Variants in GRAMD1C observed in about 807,000 individuals in gnomAD.
The protein encoded by GRAMD1C is GRAM domain containing 1C.
GRAMD1C carries 89 observed loss-of-function variants against 97.8 expected under a neutral mutation model. That is an observed-to-expected ratio of 0.91 (90% CI 0.77 to 1.09). The LOEUF is 1.09. Ranked by LOEUF, GRAMD1C falls within the 50% of genes least tolerant of loss-of-function variation. GRAMD1C has a pLI of 0.00. For synonymous variants in GRAMD1C, 256 were observed against 267.0 expected, an observed-to-expected ratio of 0.96 and a Z score of 0.40; for missense variants, 740 against 766.4, an observed-to-expected ratio of 0.97 and a Z score of 0.41.
intron 6 of GRAMD1C, chr3:113,885,791 G>T: frequency 6.2e-7 from 1 of 1,608,504 alleles, no homozygotes; most frequent in South Asian, 1.1e-5. Flanking sequence ...CTTTGCAGTT[G>T]AGCAGCTACA....
Position 113,945,673 on chromosome 3 carries a change from C to T in GRAMD1C, c.*195C>T. On this transcript the variant is annotated 3_prime_UTR_variant, in exon 18 of 18. Transcript: ENST00000358160. ...CTGGCCTTAATAATCCATCCTTTCA[C>T]TTCTTATAGATATTTTTAAGCTGTG... The T allele has an allele frequency of 1.9e-6, 1 of 513,322 alleles. No homozygotes were observed. The highest frequency in any genetic ancestry group is 3.4e-6 in the Non-Finnish European group (1 of 291,182). The allele number at this position is 513,322 out of a possible 1,614,324, so 31.8% of individuals were successfully genotyped here. A position where few individuals can be genotyped will look rare whatever the true frequency, so the allele number is the denominator to read the frequency against.
At position 113,900,926 on chromosome 3, in the gene GRAMD1C, CT is replaced by C. The variant is rs1416826644; in HGVS notation, c.541-102del. On this transcript the variant is annotated intron_variant, in intron 6 of 17. Coordinates refer to ENST00000358160, the MANE Select transcript of GRAMD1C (RefSeq NM_017577.5). ...TAACTACCAAAGCCCCATATCTAGT[CT>C]TTGCACAACAGGTCATTTTTGACTT... The C allele has an allele frequency of 9.7e-6, 6 of 620,330 alleles. No individual in the cohort carries two copies. In the East Asian group the frequency reaches 1.7e-4, roughly 17 times the overall value. The allele number at this position is 620,330 out of a possible 1,614,324, so 38.4% of individuals were successfully genotyped here. A position where few individuals can be genotyped will look rare whatever the true frequency, so the allele number is the denominator to read the frequency against.
At chr3:113,830,707 C>T (rs1709546494) in intron 1 of GRAMD1C, among the ~76,000 whole-genome samples, 1 of 152,204 alleles carries the variant, frequency 6.6e-6, no homozygotes, top group African/African-American at 2.4e-5. Context: ...TCTTGTGGTT[C>T]ACTGTTGAAT....
Position 113,919,127 on chromosome 3 carries a change from T to C in GRAMD1C, c.1090+3289T>C, listed in dbSNP as rs910909436. On this transcript the variant is annotated intron_variant, in intron 10 of 17. Coordinates refer to ENST00000358160, the MANE Select transcript of GRAMD1C (RefSeq NM_017577.5). Reference sequence around the variant, plus strand: ...AATGACTACCACTGGATCTAAATTTTCCAAATTAGGGGTGCTGAGCAGAAG... The same window carrying C: ...AATGACTACCACTGGATCTAAATTTCCCAAATTAGGGGTGCTGAGCAGAAG... The C allele has an allele frequency of 3.2e-5, 6 of 187,420 alleles. 1 individual carries two copies. The East Asian group carries it at 9.0e-4, about 28-fold the overall frequency. The allele number at this position is 187,420 out of a possible 1,614,324, so 11.6% of individuals were successfully genotyped here. A position where few individuals can be genotyped will look rare whatever the true frequency, so the allele number is the denominator to read the frequency against.
chr3:113,905,751 A>T (rs1160138676), intron 8 of GRAMD1C, among the ~76,000 whole-genome samples: 2 of 151,052 alleles, frequency 1.3e-5, no homozygotes, highest in Non-Finnish European at 2.9e-5. Context: ...GCTGGAGTGC[A>T]GTGGTGTGAT....
chr3:113,901,864 AAGGCCAT>A (rs1186789457), intron 7 of GRAMD1C, among the ~76,000 whole-genome samples: 2 of 152,230 alleles, frequency 1.3e-5, no homozygotes, highest in Non-Finnish European at 2.9e-5. Flanking sequence ...CCAGTCACAA[AAGGCCAT>A]ATATTGTATG....
At chr3:113,859,439 A>C (rs551553032) in intron 2 of GRAMD1C, among the ~76,000 whole-genome samples, 11 of 152,216 alleles carry the variant, frequency 7.2e-5, no homozygotes, top group Non-Finnish European at 1.3e-4. Context: ...CATTATAGTC[A>C]GAAAATATAC....
intron 6 of GRAMD1C, among the ~76,000 whole-genome samples, chr3:113,884,021 C>G (rs1020985799): frequency 5.3e-5 from 8 of 152,102 alleles, no homozygotes; most frequent in African/African-American, 1.9e-4. Context: ...TTGGAAAATT[C>G]AATACCCAAC....
chr3:113,870,838 T>C (rs1934773684), intron 3 of GRAMD1C, among the ~76,000 whole-genome samples: 1 of 150,786 alleles, frequency 6.6e-6, no homozygotes, highest in African/African-American at 2.4e-5. Context: ...TTTTTTTGGC[T>C]GGGTGCAGTG....
At chr3:113,938,963 C>CTTAAATCAGT in intron 15 of GRAMD1C, 1 of 152,174 alleles carries the variant, frequency 6.6e-6, no homozygotes, top group South Asian at 2.1e-4. Context: ...TTATGTTCTG[C>CTTAAATCAGT]TTAAATCAGT....
intron 6 of GRAMD1C, among the ~76,000 whole-genome samples, chr3:113,892,774 T>G (rs1241350660): frequency 6.6e-6 from 1 of 152,178 alleles, no homozygotes; most frequent in Non-Finnish European, 1.5e-5. Flanking sequence ...TCTTGGTCTT[T>G]GTAAAGAACT....
chr3:113,841,233 A>G (rs1485208997), intron 1 of GRAMD1C, among the ~76,000 whole-genome samples: 1 of 151,872 alleles, frequency 6.6e-6, no homozygotes, highest in African/African-American at 2.4e-5. Flanking sequence ...GGGCTGTTAA[A>G]TGGAGAAGCA....
At chr3:113,929,963 A>G (rs1341854260) in intron 10 of GRAMD1C, among the ~76,000 whole-genome samples, 1 of 152,160 alleles carries the variant, frequency 6.6e-6, no homozygotes, top group African/African-American at 2.4e-5. Flanking sequence ...AGGTGATACA[A>G]TCATGTCTTT....
At chr3:113,915,899 T>C in intron 10 of GRAMD1C, 61 bp downstream of exon 10, 1 of 1,277,848 alleles carries the variant, frequency 7.8e-7, no homozygotes, top group South Asian at 1.2e-5. Flanking sequence ...TCTTAGAATA[T>C]TGAGCATATA....
chr3:113,893,231 T>A (rs1353816149), intron 6 of GRAMD1C, among the ~76,000 whole-genome samples: 2 of 151,998 alleles, frequency 1.3e-5, no homozygotes, highest in East Asian at 3.9e-4. Context: ...TAAAAAAAAA[T>A]GCTTGCTTAT....
At chr3:113,832,030 A>G (rs551826295) in intron 1 of GRAMD1C, among the ~76,000 whole-genome samples, 1 of 148,012 alleles carries the variant, frequency 6.8e-6, no homozygotes, top group African/African-American at 2.7e-5. Context: ...ATTATAATGC[A>G]GCAACTTTGT....
chr3:113,885,236 C>CGG (rs1019555921), intron 6 of GRAMD1C: 1 of 1,015,084 alleles, frequency 9.9e-7, no homozygotes. Context: ...GGGTTGCCCC[C>CGG]GGGGGGCTGG....
chr3:113,925,108 T>C (rs147959661), intron 10 of GRAMD1C, among the ~76,000 whole-genome samples: 306 of 152,366 alleles, frequency 2.0e-3, no homozygotes, highest in African/African-American at 7.1e-3. Flanking sequence ...TCTGCTTTTT[T>C]TGTTTTTCAT....
intron 10 of GRAMD1C, among the ~76,000 whole-genome samples, chr3:113,917,221 A>G (rs1171399029): frequency 6.6e-6 from 1 of 152,222 alleles, no homozygotes; most frequent in Non-Finnish European, 1.5e-5. Flanking sequence ...TTGGGAGCAC[A>G]TGATTTAGCT....
Sources: allele counts gnomAD v4.1 joint callset (sites outside exome capture counted in the v4.1 genomes callset), GRCh38; gene constraint gnomAD v4.1.1; transcripts MANE v1.5; gene names NCBI Gene and HGNC (gene_info 2026-07-23, HGNC 2026-07-21).